The following MACROD2 variants were observed in gnomAD, a reference collection of about 807,000 sequenced individuals.
MACROD2 encodes the protein ADP-ribose glycohydrolase MACROD2.
In MACROD2, 36 loss-of-function variants were observed where a neutral mutation model predicts 70.4. The observed-to-expected ratio is 0.51, with a 90% CI of 0.39 to 0.68. The LOEUF (loss-of-function observed/expected upper bound fraction) is 0.68, where lower values mean the gene tolerates loss of function less well. Ranked by LOEUF, MACROD2 falls within the 30% of genes least tolerant of loss-of-function variation. The pLI, the probability that MACROD2 is intolerant of heterozygous loss-of-function variation, is 0.00. For synonymous variants in MACROD2, 172 were observed against 178.8 expected, an observed-to-expected ratio of 0.96 and a Z score of 0.30; for missense variants, 496 against 538.4, an observed-to-expected ratio of 0.92 and a Z score of 0.78.
chr20:14,160,276 G>T (rs1318860744), intron 3 of MACROD2, among the ~76,000 whole-genome samples: 1 of 152,080 alleles, frequency 6.6e-6, no homozygotes, highest in African/African-American at 2.4e-5. Context: ...AGTTATTTGG[G>T]GTAGTTTGGG....
At chr20:15,013,210 C>G (rs977006974) in intron 5 of MACROD2, among the ~76,000 whole-genome samples, 3 of 152,080 alleles carry the variant, frequency 2.0e-5, no homozygotes, top group Non-Finnish European at 4.4e-5. Context: ...GGGCAAACGA[C>G]TTAGCTCAAC....
chr20:15,175,133 A>G (rs2076450502), intron 5 of MACROD2, among the ~76,000 whole-genome samples: 1 of 152,096 alleles, frequency 6.6e-6, no homozygotes, highest in Non-Finnish European at 1.5e-5. Context: ...TTGTAGGAAC[A>G]CGGATGAAAT....
chr20:15,636,870 A>G (rs932172530), intron 8 of MACROD2, among the ~76,000 whole-genome samples: 2 of 152,078 alleles, frequency 1.3e-5, no homozygotes, highest in Non-Finnish European at 2.9e-5. Context: ...CATGGGAGAG[A>G]TGCAGGCTAA....
Position 14,275,763 on chromosome 20 carries a change from A to G in MACROD2, c.271+190035A>G, listed in dbSNP as rs540087317. On this transcript the variant is annotated intron_variant, in intron 3 of 17. Coordinates refer to ENST00000684519, the MANE Select transcript of MACROD2 (RefSeq NM_001351661.2). ...AAAGGGCTAATATCCAGAATCTACA[A>G]TGAACTCAAACAAATTTACAAGAAA... 4.0e-3 allele frequency among the ~76,000 whole-genome samples: 612 copies of G among 152,256 alleles called. 3 individuals carry two copies. The highest frequency in any genetic ancestry group is 0.012 in the African/African-American group (514 of 41,570).
chr20:15,229,789 A>G (rs2076943619), intron 5 of MACROD2, 151 bp from the exon 6 acceptor site: 2 of 729,258 alleles, frequency 2.7e-6, no homozygotes, highest in African/African-American at 1.8e-5. Context: ...AAGATCTTCT[A>G]CCAGAGAAAT....
chr20:14,081,580 T>C lies in MACROD2; in HGVS notation c.164-4041T>C, dbSNP rs548234755. Among the ~76,000 whole-genome samples, 11 of 152,320 alleles carry C rather than the reference T, an allele frequency of 7.2e-5. 1 individual carries two copies. In the South Asian group the frequency reaches 2.3e-3, roughly 32 times the overall value. On this transcript the variant is annotated intron_variant, in intron 2 of 17. Coordinates refer to ENST00000684519, the MANE Select transcript of MACROD2 (RefSeq NM_001351661.2). ...GAGAATGTCCATGAGGGCGATATAC[T>C]TGGCAACTTTTTGTCTTATTTATTA... is the stretch of plus-strand genomic sequence containing the variant.
At chr20:14,986,491 A>T (rs2074849696) in intron 5 of MACROD2, among the ~76,000 whole-genome samples, 1 of 152,170 alleles carries the variant, frequency 6.6e-6, no homozygotes, top group East Asian at 1.9e-4. Flanking sequence ...TAGCCAAATC[A>T]CTTAGATACC....
At chr20:14,151,518 A>C (rs2055020357) in intron 3 of MACROD2, among the ~76,000 whole-genome samples, 1 of 152,106 alleles carries the variant, frequency 6.6e-6, no homozygotes, top group Admixed American at 6.5e-5. Flanking sequence ...GTTTTCATAG[A>C]CTCAGCCACA....
At chr20:14,408,870 A>G (rs1034433841) in intron 3 of MACROD2, among the ~76,000 whole-genome samples, 18 of 152,132 alleles carry the variant, frequency 1.2e-4, no homozygotes, top group African/African-American at 4.3e-4. Flanking sequence ...CTGGCAATGA[A>G]CTATTTTTAG....
At chr20:14,057,672 A>G (rs1370073336) in intron 2 of MACROD2, among the ~76,000 whole-genome samples, 1 of 152,222 alleles carries the variant, frequency 6.6e-6, no homozygotes, top group Non-Finnish European at 1.5e-5. Context: ...ATATCCAGCA[A>G]CTTCGATAGG....
intron 3 of MACROD2, among the ~76,000 whole-genome samples, chr20:14,480,706 T>C (rs1417541375): frequency 6.6e-6 from 1 of 152,164 alleles, no homozygotes; most frequent in Non-Finnish European, 1.5e-5. Flanking sequence ...AATACAAAAG[T>C]AATTGGTATT....
chr20:14,709,416 C>T (rs915218983), intron 5 of MACROD2, among the ~76,000 whole-genome samples: 1 of 152,100 alleles, frequency 6.6e-6, no homozygotes, highest in African/African-American at 2.4e-5. Context: ...CACACACTCA[C>T]ATAAGGTAAG....
intron 3 of MACROD2, among the ~76,000 whole-genome samples, chr20:14,422,489 T>C (rs1345841982): frequency 2.0e-5 from 3 of 152,224 alleles, no homozygotes; most frequent in Non-Finnish European, 4.4e-5. Flanking sequence ...TAATTTGCTC[T>C]ATTACTGTCT....
At chr20:14,935,527 A>G (rs981245571) in intron 5 of MACROD2, among the ~76,000 whole-genome samples, 2 of 152,170 alleles carry the variant, frequency 1.3e-5, no homozygotes, top group African/African-American at 4.8e-5. Flanking sequence ...CCCTTGATAT[A>G]ACCACTTCAA....
chr20:14,831,431 CT>C (rs2072963844), intron 5 of MACROD2, among the ~76,000 whole-genome samples: 1 of 151,886 alleles, frequency 6.6e-6, no homozygotes, highest in African/African-American at 2.4e-5. Flanking sequence ...TAAGATTTGC[CT>C]TTTGACAGTT....
At chr20:14,983,763 C>T (rs2074823697) in intron 5 of MACROD2, among the ~76,000 whole-genome samples, 1 of 152,030 alleles carries the variant, frequency 6.6e-6, no homozygotes, top group Admixed American at 6.6e-5. Context: ...ATACAGCATG[C>T]TAATATGTGT....
At chr20:15,067,092 A>C (rs929326612) in intron 5 of MACROD2, among the ~76,000 whole-genome samples, 4 of 152,158 alleles carry the variant, frequency 2.6e-5, no homozygotes, top group Admixed American at 2.0e-4. Context: ...ATCTTCTAAG[A>C]GTCAGAAACA....
chr20:14,640,389 C>T (rs62202934), intron 4 of MACROD2, among the ~76,000 whole-genome samples: 3 of 152,172 alleles, frequency 2.0e-5, no homozygotes, highest in Non-Finnish European at 2.9e-5. Flanking sequence ...GGAAGATTCA[C>T]TCAGAGATTA....
At chr20:14,322,200 ATTT>A (rs71190129) in intron 3 of MACROD2, among the ~76,000 whole-genome samples, 4 of 133,164 alleles carry the variant, frequency 3.0e-5, no homozygotes, top group East Asian at 2.1e-4. Context: ...ATATATATAT[ATTT>A]TGTATTTTGC....
Sources: gnomAD v4.1 joint callset for allele counts (sites outside exome capture counted in the v4.1 genomes callset) on GRCh38, gnomAD v4.1.1 for gene constraint, MANE v1.5 for transcripts, NCBI Gene and HGNC (gene_info 2026-07-23, HGNC 2026-07-21) for gene names.